Variants in SLC10A7 observed in about 807,000 individuals in gnomAD.
SLC10A7 encodes the protein sodium/bile acid cotransporter 7.
A neutral mutation model predicts 43.2 loss-of-function variants in SLC10A7; 29 were observed. The observed-to-expected ratio is 0.67, with a 90% CI of 0.50 to 0.92. The LOEUF (loss-of-function observed/expected upper bound fraction) is 0.92, where lower values mean the gene tolerates loss of function less well. Among genes scored for constraint, SLC10A7 ranks in the 40% least tolerant of loss-of-function variants. SLC10A7 has a pLI of 0.00. For missense variants in SLC10A7, 295 were observed against 403.2 expected, an observed-to-expected ratio of 0.73 and a Z score of 2.30; for synonymous variants, 152 against 144.8, an observed-to-expected ratio of 1.05 and a Z score of -0.35.
rs769766789 is a variant in SLC10A7, at chr4:146,521,657, C to T, written c.61G>A (p.Ala21Thr). 1.2e-6 allele frequency: 2 copies of T among 1,614,066 alleles called. No individual in the cohort carries two copies. Among genetic ancestry groups the T allele is most frequent in the Non-Finnish European group, 1.7e-6 (2 of 1,180,030 alleles). The change falls in exon 1 of 12, where the codon GCT becomes ACT. Residue 21 changes from alanine (A) to threonine (T), a missense_variant. By Grantham distance (58) the Ala-to-Thr change is moderately conservative (BLOSUM62 0). Coordinates refer to ENST00000335472, the MANE Select transcript of SLC10A7 (RefSeq NM_001029998.6). ...WFMVGIVLAI[A>T]GAKLEPSIGV... ...ATGGACGGCTCCAGTTTAGCTCCAG[C>T]GATCGCCAGCACTATTCCGACCATG... is the stretch of plus-strand genomic sequence containing the variant.
At chr4:146,281,396 C>CAAA (rs774519759) in intron 10 of SLC10A7, among the ~76,000 whole-genome samples, 1 of 74,932 alleles carries the variant, frequency 1.3e-5, no homozygotes, top group African/African-American at 4.8e-5. Flanking sequence ...GAAGTAAAAT[C>CAAA]AAAAAAAAAA....
intron 4 of SLC10A7, among the ~76,000 whole-genome samples, chr4:146,500,466 A>G (rs1736296346): frequency 6.6e-6 from 1 of 152,180 alleles, no homozygotes; most frequent in Admixed American, 6.5e-5. Context: ...CTACCCAGCT[A>G]CACACATCCA....
intron 4 of SLC10A7, among the ~76,000 whole-genome samples, chr4:146,464,395 T>C (rs1178763114): frequency 6.6e-6 from 1 of 152,158 alleles, no homozygotes; most frequent in Non-Finnish European, 1.5e-5. Context: ...GAGATTATGG[T>C]ATTTTTTATT....
At chr4:146,397,703 A>G (rs1738933695) in intron 5 of SLC10A7, among the ~76,000 whole-genome samples, 1 of 152,202 alleles carries the variant, frequency 6.6e-6, no homozygotes, top group Non-Finnish European at 1.5e-5. Context: ...GTGTTGAAAC[A>G]TTAAGTCTGC....
chr4:146,397,866 G>A (rs543451626), intron 5 of SLC10A7, among the ~76,000 whole-genome samples: 7 of 152,268 alleles, frequency 4.6e-5, no homozygotes, highest in African/African-American at 1.7e-4. Context: ...CAAAACAAGA[G>A]TGGAAACTAA....
chr4:146,344,438 C>A (rs1257362158), intron 5 of SLC10A7, among the ~76,000 whole-genome samples: 2 of 151,964 alleles, frequency 1.3e-5, no homozygotes, highest in Non-Finnish European at 2.9e-5. Flanking sequence ...TTTCATTTCA[C>A]TTGTAGACTA....
At chr4:146,291,456 G>C (rs1487032104) in intron 9 of SLC10A7, among the ~76,000 whole-genome samples, 2 of 152,160 alleles carry the variant, frequency 1.3e-5, no homozygotes, top group Non-Finnish European at 2.9e-5. Flanking sequence ...CCTAATGTGA[G>C]AGCCTGCACC....
At chr4:146,444,753 C>T (rs891679439) in intron 4 of SLC10A7, among the ~76,000 whole-genome samples, 2 of 152,158 alleles carry the variant, frequency 1.3e-5, no homozygotes, top group African/African-American at 2.4e-5. Context: ...CTCACTCAGT[C>T]AGCTATACTG....
intron 7 of SLC10A7, among the ~76,000 whole-genome samples, chr4:146,299,352 C>G (rs1731000435): frequency 6.6e-6 from 1 of 152,202 alleles, no homozygotes; most frequent in Non-Finnish European, 1.5e-5. Flanking sequence ...GACAAAGTCC[C>G]TGCTCTCATG....
intron 5 of SLC10A7, among the ~76,000 whole-genome samples, chr4:146,345,528 T>C (rs1734562173): frequency 6.6e-6 from 1 of 152,154 alleles, no homozygotes; most frequent in South Asian, 2.1e-4. Context: ...CCGGGCTATA[T>C]TCACTTTCAA....
intron 1 of SLC10A7, among the ~76,000 whole-genome samples, chr4:146,520,888 T>A (rs139980045): frequency 4.1e-4 from 62 of 152,222 alleles, no homozygotes; most frequent in Admixed American, 7.2e-4. Context: ...GTGCCCATCA[T>A]CTCCTGTACA....
At chr4:146,369,416 T>C (rs912112127) in intron 5 of SLC10A7, among the ~76,000 whole-genome samples, 4 of 152,222 alleles carry the variant, frequency 2.6e-5, no homozygotes, top group African/African-American at 9.6e-5. Context: ...TTTGGACAAA[T>C]ATATGTAAAC....
At chr4:146,317,726 C>T (rs540103416) in intron 6 of SLC10A7, among the ~76,000 whole-genome samples, 1 of 151,996 alleles carries the variant, frequency 6.6e-6, no homozygotes, top group Admixed American at 6.6e-5. Context: ...CCATCTTCTC[C>T]TTGAACACTG....
chr4:146,322,924 T>A (rs561815784), intron 6 of SLC10A7, among the ~76,000 whole-genome samples: 31 of 152,326 alleles, frequency 2.0e-4, no homozygotes, highest in African/African-American at 6.5e-4. Context: ...CTAACTGGTA[T>A]GAGATGGTAT....
At chr4:146,287,339 C>G (rs75355260) in intron 9 of SLC10A7, among the ~76,000 whole-genome samples, 9,620 of 152,110 alleles carry the variant, frequency 0.063, 421 homozygotes, top group South Asian at 0.2. Context: ...GAGAGAAATA[C>G]CTGATGAACA....
chr4:146,365,953 A>G (rs1219326789), intron 5 of SLC10A7, among the ~76,000 whole-genome samples: 1 of 152,224 alleles, frequency 6.6e-6, no homozygotes, highest in Non-Finnish European at 1.5e-5. Flanking sequence ...TATCAGCTGC[A>G]GCATTACATT....
At chr4:146,398,643 T>G (rs1739004852) in intron 5 of SLC10A7, among the ~76,000 whole-genome samples, 1 of 152,172 alleles carries the variant, frequency 6.6e-6, no homozygotes. Flanking sequence ...AATCTGTGGG[T>G]GATGTCAAAA....
chr4:146,254,374 T>C lies in SLC10A7; in HGVS notation c.*2117A>G, dbSNP rs1727793536. On this transcript the variant is annotated 3_prime_UTR_variant, in exon 12 of 12. Transcript: ENST00000335472. ...AGTGTATAAACATAACAAAATATTT[T>C]AAGCTCTGAATAATTAAATCCCAAT... The C allele has an allele frequency of 6.6e-6, 1 of 152,184 alleles. No homozygotes were observed. The highest frequency in any genetic ancestry group is 2.1e-4 in the South Asian group (1 of 4,830). The allele number at this position is 152,184 out of a possible 1,614,324, so 9.4% of individuals were successfully genotyped here.
chr4:146,256,189 G>A lies in SLC10A7; in HGVS notation c.*302C>T, dbSNP rs1057560. The A allele has an allele frequency of 0.4, 163,279 of 408,904 alleles. 35,965 individuals carry two copies. The highest frequency in any genetic ancestry group is 0.47 in the Non-Finnish European group (104,590 of 222,868). 25.3% of individuals were successfully genotyped at this position (408,904 alleles called of 1,614,324 possible). A position where few individuals can be genotyped will look rare whatever the true frequency, so the allele number is the denominator to read the frequency against. ...ACAGTAACTACTATAGGGTTGTATT[G>A]CACAAAGGTGCTGCAGGGAAAGCAT... On this transcript the variant is annotated 3_prime_UTR_variant, in exon 12 of 12. Transcript: ENST00000335472.
Sources: gnomAD v4.1 joint callset for allele counts (sites outside exome capture counted in the v4.1 genomes callset) on GRCh38, gnomAD v4.1.1 for gene constraint, MANE v1.5 for transcripts, NCBI Gene and HGNC (gene_info 2026-07-23, HGNC 2026-07-21) for gene names.